Variants in SMARCAD1 observed in about 807,000 individuals in gnomAD.
SMARCAD1 encodes the protein SWI/SNF-related matrix-associated actin-dependent regulator of chromatin subfamily A containing DEAD/H box 1.
A neutral mutation model predicts 127.1 loss-of-function variants in SMARCAD1; 25 were observed. That is an observed-to-expected ratio of 0.20 (90% CI 0.14 to 0.27). SMARCAD1 has a LOEUF of 0.27. SMARCAD1 is among the 10% of genes least tolerant of loss of function. The pLI, the probability that SMARCAD1 is intolerant of heterozygous loss-of-function variation, is 1.00. For missense variants in SMARCAD1, 807 were observed against 1,206.0 expected (o/e 0.67, Z 4.90); for synonymous variants, 400 against 396.9 (o/e 1.01, Z -0.09).
rs1213104869 is a variant in SMARCAD1 at position 94,255,743 on chromosome 4, A to ATTTTTGAT, written c.1281+2741_1281+2742insGATTTTTT. ...CCTCATTTTACATGAGGAAAATTTGATTTTTTTTAAAGTATATTACCTAAA... is the reference window on the plus strand; with the variant it reads ...CCTCATTTTACATGAGGAAAATTTGATTTTTGATTTTTTTTTAAAGTATATTACCTAAA... On this transcript the variant is annotated intron_variant, in intron 9 of 23. Transcript: ENST00000354268. 6.6e-5 allele frequency among the ~76,000 whole-genome samples: 10 copies of ATTTTTGAT among 151,518 alleles called. No homozygotes were observed. In the South Asian group the frequency reaches 8.4e-4, roughly 13 times the overall value.
At chr4:94,269,287 C>T (rs541801130) in intron 10 of SMARCAD1, among the ~76,000 whole-genome samples, 1 of 152,228 alleles carries the variant, frequency 6.6e-6, no homozygotes, top group East Asian at 1.9e-4. Flanking sequence ...CCAGACCCTT[C>T]CCTGTGTGCA....
In SMARCAD1 at chr4:94,252,982, G is replaced by C; in HGVS notation, c.1256G>C (p.Arg419Pro). The change falls in exon 9 of 24, where the codon CGG becomes CCG. Residue 419 changes from arginine (R) to proline (P), a missense_variant. Physicochemically the swap from Arg to Pro is moderately radical, Grantham distance 103. Transcript: ENST00000354268. ...AAGGCTCAGAAGATAACAGAACTCC[G>C]GCCCTTTAATAGTTGGGAGGCTCTG... ...QKKAQKITEL[R>P]PFNSWEALFT... The C allele has an allele frequency of 6.2e-7, 1 of 1,613,256 alleles. No homozygotes were observed. The highest frequency in any genetic ancestry group is 8.5e-7 in the Non-Finnish European group (1 of 1,179,982).
chr4:94,265,697 AT>A (rs977403335), intron 10 of SMARCAD1, among the ~76,000 whole-genome samples: 22 of 152,084 alleles, frequency 1.4e-4, no homozygotes, highest in South Asian at 4.2e-4. Flanking sequence ...TTTAAAAAAA[AT>A]AATATAAAAC....
intron 3 of SMARCAD1, among the ~76,000 whole-genome samples, chr4:94,229,284 G>T (rs1745465347): frequency 6.6e-6 from 1 of 152,168 alleles, no homozygotes; most frequent in Non-Finnish European, 1.5e-5. Flanking sequence ...GTGGGAAAAT[G>T]TGGTATACTA....
intron 23 of SMARCAD1, among the ~76,000 whole-genome samples, chr4:94,286,522 T>A (rs1754959058): frequency 6.6e-6 from 1 of 152,226 alleles, no homozygotes; most frequent in African/African-American, 2.4e-5. Context: ...GCTTTTACTT[T>A]ATTATCGAAA....
chr4:94,249,799 T>G (rs1216927344), intron 7 of SMARCAD1, 44 bp downstream of exon 7: 11 of 1,109,206 alleles, frequency 9.9e-6, no homozygotes, highest in African/African-American at 1.5e-5. Context: ...GTACTAAGTG[T>G]TTTTATTATA....
intron 2 of SMARCAD1, among the ~76,000 whole-genome samples, chr4:94,215,024 G>T (rs995841044): frequency 2.0e-5 from 3 of 152,046 alleles, no homozygotes; most frequent in African/African-American, 4.8e-5. Context: ...TCCTGGCTTT[G>T]CTTAGTTTTC....
rs1294821962 is a variant in SMARCAD1 at position 94,279,871 on chromosome 4, C to CT, written c.2419-711dup. Among the ~76,000 whole-genome samples the CT allele has an allele frequency of 3.9e-4, 58 of 149,162 alleles. 1 individual carries two copies. The highest frequency in any genetic ancestry group is 2.8e-3 in the Admixed American group (42 of 14,934). On this transcript the variant is annotated intron_variant, in intron 19 of 23. Transcript: ENST00000354268. ...CAACCCATTTTCTTCCTTTTCTTTA[C>CT]TTTTTTTTTTGAGATAGACTTTTGC... is the stretch of plus-strand genomic sequence containing the variant.
intron 9 of SMARCAD1, among the ~76,000 whole-genome samples, chr4:94,255,269 G>A (rs1749891490): frequency 6.6e-6 from 1 of 151,798 alleles, no homozygotes; most frequent in Non-Finnish European, 1.5e-5. Flanking sequence ...TAAGAATTGG[G>A]GAATTTCTAT....
rs1338378140 is a variant in SMARCAD1 at position 94,290,494 on chromosome 4, C to T, written c.*960C>T. ...GACTGAATGTGACTTCATCTAAAGG[C>T]AGCATTAGGTACTGCATGGAAATAG... On this transcript the variant is annotated 3_prime_UTR_variant, in exon 24 of 24. Coordinates refer to ENST00000354268, the MANE Select transcript of SMARCAD1 (RefSeq NM_020159.5). 3 of 454,470 alleles carry T rather than the reference C, an allele frequency of 6.6e-6. No homozygotes were observed. The highest frequency in any genetic ancestry group is 1.3e-5 in the Non-Finnish European group (3 of 226,766). 28.2% of individuals were successfully genotyped at this position (454,470 alleles called of 1,614,324 possible). A position where few individuals can be genotyped will look rare whatever the true frequency, so the allele number is the denominator to read the frequency against.
intron 9 of SMARCAD1, chr4:94,253,732 A>G (rs999021489): frequency 2.1e-6 from 2 of 960,076 alleles, no homozygotes; most frequent in African/African-American, 3.5e-5. Context: ...GGTTGTATAC[A>G]GAATACCTGC....
At chr4:94,223,713 G>A (rs796575189) in intron 2 of SMARCAD1, among the ~76,000 whole-genome samples, 9 of 146,808 alleles carry the variant, frequency 6.1e-5, no homozygotes, top group African/African-American at 2.3e-4. Context: ...AACTACTGGC[G>A]TGCACCACCA....
In SMARCAD1 at chr4:94,252,929, T is replaced by A; in HGVS notation, c.1203T>A (p.Leu401=). 3 of 1,614,116 alleles carry A rather than the reference T, an allele frequency of 1.9e-6. No homozygotes were observed. The highest frequency in any genetic ancestry group is 2.5e-6 in the Non-Finnish European group (3 of 1,179,990). The change falls in exon 9 of 24, where the codon CTT becomes CTA. Residue 401 remains leucine, a synonymous_variant. Coordinates refer to ENST00000354268, the MANE Select transcript of SMARCAD1 (RefSeq NM_020159.5). The part of the protein sequence containing the change: ...HFLQDASIGE[L]TLIPQCSQKK... ...TTCAAGATGCTTCAATTGGTGAACT[T>A]ACTTTGATTCCTCAGTGTTCTCAGA... is the stretch of plus-strand genomic sequence containing the variant.
At chr4:94,274,572 T>G (rs1753003332) in intron 12 of SMARCAD1, among the ~76,000 whole-genome samples, 166 bp from the exon 13 acceptor site, 1 of 152,208 alleles carries the variant, frequency 6.6e-6, no homozygotes, top group Non-Finnish European at 1.5e-5. Context: ...CCGCCTCAGC[T>G]TCCCAAAGTG....
At chr4:94,234,968 A>C (rs910990638) in intron 4 of SMARCAD1, among the ~76,000 whole-genome samples, 1 of 152,114 alleles carries the variant, frequency 6.6e-6, no homozygotes, top group South Asian at 2.1e-4. Flanking sequence ...GGACATGGCC[A>C]TGTGAGCTGT....
chr4:94,277,184 C>T (rs769146960), intron 16 of SMARCAD1, 25 bp downstream of exon 16: 59 of 1,611,066 alleles, frequency 3.7e-5, no homozygotes, highest in Admixed American at 6.7e-5. Context: ...ATATTTTCTC[C>T]CAAATATGTT....
intron 16 of SMARCAD1, among the ~76,000 whole-genome samples, chr4:94,278,053 T>G (rs916335879): frequency 6.6e-6 from 1 of 152,072 alleles, no homozygotes; most frequent in Non-Finnish European, 1.5e-5. Context: ...CACAAAGAAA[T>G]AAAGGATTTT....
At chr4:94,289,439 TA>T in intron 23 of SMARCAD1, 33 bp from the exon 24 acceptor site, 1 of 1,572,884 alleles carries the variant, frequency 6.4e-7, no homozygotes, top group Non-Finnish European at 8.7e-7. Flanking sequence ...AAAATATTTT[TA>T]TAAAGCTTTT....
Position 94,289,665 on chromosome 4 carries a change from A to G in SMARCAD1, c.*131A>G. The G allele has an allele frequency of 2.1e-6, 2 of 935,678 alleles. No individual in the cohort carries two copies. The highest frequency in any genetic ancestry group is 3.5e-6 in the Non-Finnish European group (2 of 570,252). 58.0% of individuals were successfully genotyped at this position (935,678 alleles called of 1,614,324 possible). On this transcript the variant is annotated 3_prime_UTR_variant, in exon 24 of 24. Coordinates refer to ENST00000354268, the MANE Select transcript of SMARCAD1 (RefSeq NM_020159.5). ...ATAATTTCCATATTACATTTCTCAT[A>G]GTATGGACAACTTTTTGCCACTAAC...
Sources: gnomAD v4.1 joint callset for allele counts (sites outside exome capture counted in the v4.1 genomes callset) on GRCh38, gnomAD v4.1.1 for gene constraint, MANE v1.5 for transcripts, NCBI Gene and HGNC (gene_info 2026-07-23, HGNC 2026-07-21) for gene names.